KCND2: variants seen among roughly 807,000 people sequenced by gnomAD.
KCND2 encodes the protein potassium voltage-gated channel subfamily D member 2, also known as A-type voltage-gated potassium channel KCND2.
A neutral mutation model predicts 54.4 loss-of-function variants in KCND2; 16 were observed. That is an observed-to-expected ratio of 0.29 (90% CI 0.20 to 0.45). KCND2 has a LOEUF of 0.45. Ranked by LOEUF, KCND2 falls within the 20% of genes least tolerant of loss-of-function variation. The pLI is 1.00. For synonymous variants in KCND2, 317 were observed against 310.7 expected (o/e 1.02, Z -0.21); for missense variants, 486 against 824.2 (o/e 0.59, Z 5.02).
intron 1 of KCND2, among the ~76,000 whole-genome samples, chr7:120,724,159 C>A (rs1043803016): frequency 1.3e-5 from 2 of 152,152 alleles, no homozygotes; most frequent in African/African-American, 4.8e-5. Flanking sequence ...CAGCACTGGA[C>A]AAGGTCTGTG....
intron 1 of KCND2, among the ~76,000 whole-genome samples, chr7:120,585,618 A>G (rs150621712): frequency 6.6e-5 from 10 of 152,210 alleles, no homozygotes; most frequent in Admixed American, 5.2e-4. Flanking sequence ...AAGGGGAGAA[A>G]AGAGAGTAGG....
chr7:120,730,766 C>T (rs1792796621), intron 1 of KCND2, among the ~76,000 whole-genome samples: 1 of 152,152 alleles, frequency 6.6e-6, no homozygotes, highest in African/African-American at 2.4e-5. Flanking sequence ...TAGATAGTAT[C>T]ACCTTCTGTC....
At chr7:120,526,767 A>G (rs191638894) in intron 1 of KCND2, among the ~76,000 whole-genome samples, 79 of 152,288 alleles carry the variant, frequency 5.2e-4, no homozygotes, top group Middle Eastern at 3.4e-3. Context: ...TTTAAATGCT[A>G]TGATACTCAC....
chr7:120,652,016 C>G (rs1791740764), intron 1 of KCND2, among the ~76,000 whole-genome samples: 1 of 152,098 alleles, frequency 6.6e-6, no homozygotes, highest in African/African-American at 2.4e-5. Context: ...AACTACTTCT[C>G]TGCCTTCCAA....
At chr7:120,633,220 T>C (rs953309338) in intron 1 of KCND2, among the ~76,000 whole-genome samples, 10 of 152,218 alleles carry the variant, frequency 6.6e-5, no homozygotes, top group African/African-American at 2.4e-4. Context: ...AACCAATTGC[T>C]CTTTTATTAG....
intron 1 of KCND2, among the ~76,000 whole-genome samples, chr7:120,509,286 A>G (rs1803077067): frequency 6.6e-6 from 1 of 152,038 alleles, no homozygotes; most frequent in African/African-American, 2.4e-5. Flanking sequence ...TTCAGTTAAT[A>G]ATAGTCTATC....
chr7:120,596,490 G>T (rs1312482463), intron 1 of KCND2, among the ~76,000 whole-genome samples: 1 of 152,190 alleles, frequency 6.6e-6, no homozygotes, highest in African/African-American at 2.4e-5. Context: ...TGTTATGCCA[G>T]TTTTTGTTAA....
chr7:120,615,407 T>C (rs1009725450), intron 1 of KCND2, among the ~76,000 whole-genome samples: 3 of 152,216 alleles, frequency 2.0e-5, no homozygotes, highest in South Asian at 2.1e-4. Context: ...CAATTTCACA[T>C]ATAAAGATTT....
chr7:120,330,089 C>G (rs1800040649), intron 1 of KCND2, among the ~76,000 whole-genome samples: 2 of 152,112 alleles, frequency 1.3e-5, no homozygotes, highest in Non-Finnish European at 2.9e-5. Context: ...AATCCAATGT[C>G]TAGATTGACA....
chr7:120,702,260 G>A (rs539114724), intron 1 of KCND2, among the ~76,000 whole-genome samples: 6 of 152,236 alleles, frequency 3.9e-5, no homozygotes, highest in East Asian at 3.9e-4. Context: ...ACACCATTCC[G>A]TATGGCTATT....
At chr7:120,733,214 C>T (rs1019857845) in intron 2 of KCND2, 149 bp downstream of exon 2, 15 of 733,666 alleles carry the variant, frequency 2.0e-5, no homozygotes, top group Middle Eastern at 2.6e-4. Flanking sequence ...TAAAAAGAAA[C>T]GTAACATCTC....
chr7:120,734,399 T>A (rs1470950614), intron 2 of KCND2, among the ~76,000 whole-genome samples: 1 of 152,090 alleles, frequency 6.6e-6, no homozygotes, highest in African/African-American at 2.4e-5. Flanking sequence ...TAGTTACCAT[T>A]ATTATCCTCA....
At chr7:120,486,103 C>A (rs904454969) in intron 1 of KCND2, among the ~76,000 whole-genome samples, 1 of 152,178 alleles carries the variant, frequency 6.6e-6, no homozygotes, top group African/African-American at 2.4e-5. Context: ...TTGGTGGGCA[C>A]AACCCTTATG....
chr7:120,569,495 C>T (rs1167298646), intron 1 of KCND2, among the ~76,000 whole-genome samples: 1 of 152,062 alleles, frequency 6.6e-6, no homozygotes, highest in East Asian at 1.9e-4. Flanking sequence ...TAGCCTTCTG[C>T]CTATTTACAA....
chr7:120,621,316 T>G (rs1053586236), intron 1 of KCND2, among the ~76,000 whole-genome samples: 1 of 145,240 alleles, frequency 6.9e-6, no homozygotes, highest in Non-Finnish European at 1.5e-5. Flanking sequence ...AACCATATGG[T>G]ATCCTGTCAC....
intron 1 of KCND2, among the ~76,000 whole-genome samples, chr7:120,659,481 T>C (rs1021559760): frequency 6.6e-6 from 1 of 152,220 alleles, no homozygotes; most frequent in Non-Finnish European, 1.5e-5. Flanking sequence ...TGTGGAATTA[T>C]GTGTCATATT....
chr7:120,274,349 G>A lies in KCND2; in HGVS notation c.-284G>A. On this transcript the variant is annotated 5_prime_UTR_variant, in exon 1 of 6. Coordinates refer to ENST00000331113, the MANE Select transcript of KCND2 (RefSeq NM_012281.3). ...TGTGTGCTTATTTGTGCCAGAGGGT[G>A]GCCTAGCCCACCTGCAGGAAGAGAT... 1 of 552,278 alleles carries A rather than the reference G, an allele frequency of 1.8e-6. No homozygotes were observed. Among genetic ancestry groups the A allele is most frequent in the Non-Finnish European group, 3.2e-6 (1 of 308,178 alleles). The allele number at this position is 552,278 out of a possible 1,614,324, so 34.2% of individuals were successfully genotyped here.
rs542441880 is a variant in KCND2, at chr7:120,519,942, C to A, written c.1116-212961C>A. Among the ~76,000 whole-genome samples, 17 of 152,046 alleles carry A rather than the reference C, an allele frequency of 1.1e-4. 1 individual carries two copies. The South Asian group carries it at 3.3e-3, about 30-fold the overall frequency. On this transcript the variant is annotated intron_variant, in intron 1 of 5. Transcript: ENST00000331113. The stretch of plus-strand genomic sequence containing the variant: ...ATATTAAGACATATAATGATTTTGT[C>A]AGGTAAGCCATGAATATAAATTACA...
chr7:120,517,754 G>C (rs1803217238), intron 1 of KCND2, among the ~76,000 whole-genome samples: 1 of 152,044 alleles, frequency 6.6e-6, no homozygotes, highest in African/African-American at 2.4e-5. Context: ...AGGTATACAT[G>C]CATAACTTAT....
Sources: gnomAD v4.1 joint callset for allele counts (sites outside exome capture counted in the v4.1 genomes callset) on GRCh38, gnomAD v4.1.1 for gene constraint, MANE v1.5 for transcripts, NCBI Gene and HGNC (gene_info 2026-07-23, HGNC 2026-07-21) for gene names.